Variants in ARL15 observed in about 807,000 individuals in gnomAD.
ARL15 encodes the protein ARF like GTPase 15.
ARL15 carries 19 observed loss-of-function variants against 25.2 expected under a neutral mutation model. The observed-to-expected ratio is 0.75, with a 90% CI of 0.53 to 1.10. The LOEUF (loss-of-function observed/expected upper bound fraction) is 1.10. ARL15 is among the 50% of genes least tolerant of loss of function. The pLI is 0.00. For missense variants in ARL15, 220 were observed against 246.0 expected (o/e 0.89, Z 0.71); for synonymous variants, 94 against 86.8 (o/e 1.08, Z -0.46).
chr5:54,230,346 G>GAAAAAAAAAAAAAAAGAAAAAAAAAGAAA (rs1756633363), intron 1 of ARL15, among the ~76,000 whole-genome samples: 2 of 91,852 alleles, frequency 2.2e-5, no homozygotes, highest in Non-Finnish European at 4.2e-5. Context: ...TTCCATCTCA[G>GAAAAAAAAAAAAAAAGAAAAAAAAAGAAA]AAAAAAAAAA....
chr5:53,985,139 C>A (rs1352611562), intron 4 of ARL15, among the ~76,000 whole-genome samples: 1 of 152,052 alleles, frequency 6.6e-6, no homozygotes, highest in Non-Finnish European at 1.5e-5. Context: ...CTCACAATAC[C>A]AAGGGTGCTC....
intron 2 of ARL15, among the ~76,000 whole-genome samples, chr5:54,166,325 G>T (rs892311968): frequency 6.6e-6 from 1 of 152,058 alleles, no homozygotes; most frequent in African/African-American, 2.4e-5. Context: ...CTCACAAGTA[G>T]CTGGGACTAC....
chr5:54,019,449 G>A (rs1048253144), intron 4 of ARL15, among the ~76,000 whole-genome samples: 6 of 151,962 alleles, frequency 3.9e-5, no homozygotes, highest in Non-Finnish European at 8.8e-5. Flanking sequence ...AGTAGTGTTC[G>A]GTAAAACTAC....
At chr5:54,077,724 T>C (rs939874359) in intron 4 of ARL15, among the ~76,000 whole-genome samples, 1 of 152,198 alleles carries the variant, frequency 6.6e-6, no homozygotes, top group Non-Finnish European at 1.5e-5. Context: ...CTTTTTCTAA[T>C]ATTCTATTTT....
chr5:54,273,627 T>C (rs1255315659), intron 1 of ARL15, among the ~76,000 whole-genome samples: 3 of 152,176 alleles, frequency 2.0e-5, no homozygotes, highest in Non-Finnish European at 4.4e-5. Flanking sequence ...CTCTACCAGA[T>C]GGAAAAGACA....
chr5:53,886,108 C>G lies in ARL15; in HGVS notation c.*453G>C, dbSNP rs992256021. The stretch of plus-strand genomic sequence containing the variant: ...AAAAATTAGATAAAATAAAACAAAA[C>G]CCCCAATAGGTCTTGAAAATAATAT... On this transcript the variant is annotated 3_prime_UTR_variant, in exon 5 of 5. Coordinates refer to ENST00000504924, the MANE Select transcript of ARL15 (RefSeq NM_019087.3). 1 of 151,374 alleles carries G rather than the reference C, an allele frequency of 6.6e-6. No homozygotes were observed. The highest frequency in any genetic ancestry group is 1.9e-4 in the East Asian group (1 of 5,164). 9.4% of individuals were successfully genotyped at this position (151,374 alleles called of 1,614,324 possible).
chr5:54,094,305 G>A (rs1354911547), intron 4 of ARL15, among the ~76,000 whole-genome samples: 1 of 151,734 alleles, frequency 6.6e-6, no homozygotes, highest in Non-Finnish European at 1.5e-5. Context: ...AGGAAAAAAA[G>A]AATAATTTTG....
chr5:54,151,651 T>A (rs565772653), intron 3 of ARL15, among the ~76,000 whole-genome samples: 9 of 152,228 alleles, frequency 5.9e-5, no homozygotes, highest in African/African-American at 2.2e-4. Context: ...ATAATTTTTA[T>A]AAGTAATATA....
chr5:53,898,129 G>T (rs1206060139), intron 4 of ARL15, among the ~76,000 whole-genome samples: 1 of 152,176 alleles, frequency 6.6e-6, no homozygotes, highest in African/African-American at 2.4e-5. Flanking sequence ...AGGAAGAGAG[G>T]TTGGTCTTGC....
chr5:54,068,462 AG>A (rs1477021854), intron 4 of ARL15, among the ~76,000 whole-genome samples: 2 of 152,160 alleles, frequency 1.3e-5, no homozygotes, highest in Admixed American at 6.5e-5. Context: ...GAACTTTTTG[AG>A]GGGGAAGAAC....
intron 4 of ARL15, among the ~76,000 whole-genome samples, chr5:53,969,629 C>T (rs1253432987): frequency 6.6e-6 from 1 of 151,996 alleles, no homozygotes; most frequent in African/African-American, 2.4e-5. Context: ...GTCATCTTTT[C>T]GATGCTTAAT....
At chr5:54,284,593 T>C (rs910257545) in intron 1 of ARL15, among the ~76,000 whole-genome samples, 11 of 152,262 alleles carry the variant, frequency 7.2e-5, no homozygotes, top group Non-Finnish European at 1.2e-4. Context: ...ATTTACTCTT[T>C]AGTTACTAAA....
intron 1 of ARL15, among the ~76,000 whole-genome samples, chr5:54,186,094 T>C (rs1458398887): frequency 6.6e-6 from 1 of 151,338 alleles, no homozygotes; most frequent in African/African-American, 2.4e-5. Flanking sequence ...TACTGGTCTA[T>C]TCTAACAGTT....
At chr5:54,292,871 C>T (rs746184919) in intron 1 of ARL15, among the ~76,000 whole-genome samples, 1 of 152,116 alleles carries the variant, frequency 6.6e-6, no homozygotes, top group Non-Finnish European at 1.5e-5. Flanking sequence ...AGACTACTGC[C>T]CAGGTCTAAT....
intron 1 of ARL15, among the ~76,000 whole-genome samples, chr5:54,264,318 C>T (rs781093703): frequency 1.6e-4 from 25 of 152,132 alleles, no homozygotes; most frequent in Non-Finnish European, 3.4e-4. Flanking sequence ...GACCACTTGT[C>T]ACCTCTCCCC....
rs117516885 is a variant in ARL15 at position 53,911,687 on chromosome 5, C to T, written c.463-24974G>A. Among the ~76,000 whole-genome samples, 199 of 152,138 alleles carry T rather than the reference C, an allele frequency of 1.3e-3. 1 individual carries two copies. The East Asian group carries it at 0.037, about 28-fold the overall frequency. On this transcript the variant is annotated intron_variant, in intron 4 of 4. Coordinates refer to ENST00000504924, the MANE Select transcript of ARL15 (RefSeq NM_019087.3). ...GTGTAGTCTTTTATCCCTCGCCACC[C>T]ACCACCCTTTCCCCCAAGACCCCAA...
chr5:53,906,657 T>G (rs921688529), intron 4 of ARL15, among the ~76,000 whole-genome samples: 6 of 152,212 alleles, frequency 3.9e-5, no homozygotes, highest in Admixed American at 1.3e-4. Context: ...GTTCCCTAAA[T>G]GAGCAAATCA....
intron 4 of ARL15, among the ~76,000 whole-genome samples, chr5:53,914,804 C>CT (rs1561147294): frequency 6.6e-6 from 1 of 151,416 alleles, no homozygotes. Context: ...TTTTTCTTTC[C>CT]TTTCTTTTCT....
chr5:54,056,701 G>C (rs772792512), intron 4 of ARL15, among the ~76,000 whole-genome samples: 2 of 152,030 alleles, frequency 1.3e-5, no homozygotes, highest in Non-Finnish European at 2.9e-5. Context: ...GTGGGGTTGG[G>C]GGGATGCCAG....
Sources: allele counts gnomAD v4.1 joint callset (sites outside exome capture counted in the v4.1 genomes callset), GRCh38; gene constraint gnomAD v4.1.1; transcripts MANE v1.5; gene names NCBI Gene and HGNC (gene_info 2026-07-23, HGNC 2026-07-21).